Variants in CEP162 observed in about 807,000 individuals in gnomAD.
The protein encoded by CEP162 is centrosomal protein 162.
A neutral mutation model predicts 169.2 loss-of-function variants in CEP162; 141 were observed. The ratio of observed to expected loss-of-function variants is 0.83; its 90% confidence interval spans 0.73 to 0.96. CEP162 has a LOEUF of 0.96. CEP162 is among the 40% of genes least tolerant of loss of function. The pLI is 0.00. For synonymous variants in CEP162, 540 were observed against 526.4 expected (o/e 1.03, Z -0.35); for missense variants, 1,600 against 1,587.2 (o/e 1.01, Z -0.14).
chr6:84,138,654 A>G (rs991239304), intron 25 of CEP162, among the ~76,000 whole-genome samples: 1 of 152,194 alleles, frequency 6.6e-6, no homozygotes, highest in Admixed American at 6.5e-5. Context: ...TGCGTCTTCT[A>G]TTTTCAAGTA....
chr6:84,225,400 A>G (rs968887008), intron 2 of CEP162, among the ~76,000 whole-genome samples: 1 of 152,226 alleles, frequency 6.6e-6, no homozygotes, highest in Non-Finnish European at 1.5e-5. Flanking sequence ...ATAGAAAAGT[A>G]AACATATGGT....
At chr6:84,212,508 T>C (rs1282012336) in intron 6 of CEP162, among the ~76,000 whole-genome samples, 4 of 151,632 alleles carry the variant, frequency 2.6e-5, no homozygotes, top group African/African-American at 4.8e-5. Context: ...TTGTGACTCA[T>C]AGGGCAACTA....
At chr6:84,212,917 T>C in intron 6 of CEP162, 40 bp downstream of exon 6, 2 of 1,178,004 alleles carry the variant, frequency 1.7e-6, no homozygotes, top group South Asian at 2.8e-5. Flanking sequence ...AGCTATATTA[T>C]CTTTTCAAAT....
Position 84,203,963 on chromosome 6 carries a change from T to C in CEP162, c.687+18A>G, listed in dbSNP as rs1173152918. The C allele has an allele frequency of 2.6e-6, 4 of 1,510,896 alleles. No individual in the cohort carries two copies. Among genetic ancestry groups the C allele is most frequent in the Admixed American group, 2.0e-5 (1 of 51,180 alleles). The allele number at this position is 1,510,896 out of a possible 1,614,324, so 93.6% of individuals were successfully genotyped here. On this transcript the variant is annotated intron_variant, in intron 7 of 26. Transcript: ENST00000403245. ...AAAAAAGTTGCAAAACTGTCAAATA[T>C]ATAATTGATATATATACCTGTTTGG...
intron 25 of CEP162, among the ~76,000 whole-genome samples, chr6:84,130,391 T>C (rs1423001336): frequency 2.0e-5 from 3 of 152,006 alleles, no homozygotes; most frequent in Non-Finnish European, 2.9e-5. Flanking sequence ...TAGGGAGGAG[T>C]CCCTCTTTTT....
At chr6:84,165,593 G>A (rs769891225) in intron 18 of CEP162, among the ~76,000 whole-genome samples, 1 of 151,998 alleles carries the variant, frequency 6.6e-6, no homozygotes, top group African/African-American at 2.4e-5. Context: ...GCTCTACGGG[G>A]ACCAACACTG....
Position 84,221,133 on chromosome 6 carries a change from A to G in CEP162, c.96T>C (p.Ala32=), listed in dbSNP as rs2099553573. 1 of 1,599,584 alleles carries G rather than the reference A, an allele frequency of 6.3e-7. No individual in the cohort carries two copies. Among genetic ancestry groups the G allele is most frequent in the Non-Finnish European group, 8.6e-7 (1 of 1,167,934 alleles). Residue 32 remains alanine (A), a synonymous_variant, in exon 3 of 27, where the codon GCT becomes GCC. Transcript: ENST00000403245. ...DDSFENSDKT[A]RQSKKEMKKK... is the part of the protein sequence containing the mutation. ...TCTTCATCTCTTTTTTAGATTGTCT[A>G]GCTGTTTTGTCTGAATTTTCAAAAG...
chr6:84,141,496 A>ATCTC (rs1466618269), intron 25 of CEP162, among the ~76,000 whole-genome samples: 5 of 152,098 alleles, frequency 3.3e-5, no homozygotes, highest in Admixed American at 2.0e-4. Flanking sequence ...AGATCTTCCG[A>ATCTC]TCTCTGGGTC....
intron 2 of CEP162, among the ~76,000 whole-genome samples, chr6:84,223,069 C>G (rs758783909): frequency 6.6e-6 from 1 of 152,088 alleles, no homozygotes; most frequent in Non-Finnish European, 1.5e-5. Context: ...TACTACTGAC[C>G]TTGTAGGGCC....
chr6:84,206,143 C>T (rs982376304), intron 6 of CEP162, among the ~76,000 whole-genome samples: 1 of 149,188 alleles, frequency 6.7e-6, no homozygotes, highest in Non-Finnish European at 1.5e-5. Flanking sequence ...GGCCATACTG[C>T]CCAAGGTAAT....
intron 6 of CEP162, 111 bp from the exon 7 acceptor site, chr6:84,204,207 G>A (rs1165864999): frequency 1.0e-5 from 6 of 591,228 alleles, no homozygotes; most frequent in Non-Finnish European, 1.7e-5. Flanking sequence ...ATAGTTTATT[G>A]AAATAGTAAC....
chr6:84,171,658 C>A lies in CEP162; in HGVS notation c.2227G>T (p.Glu743Ter). The A allele has an allele frequency of 1.3e-6, 2 of 1,553,434 alleles. No individual in the cohort carries two copies. Among genetic ancestry groups the A allele is most frequent in the Non-Finnish European group, 1.7e-6 (2 of 1,151,436 alleles). The change falls in exon 17 of 27, where the codon GAG becomes TAG. Residue 743 changes from glutamate (E) to a stop codon, truncating the protein, a stop_gained. Transcript: ENST00000403245. LOFTEE classifies it high-confidence loss of function. ...DLQEQNKKNE[E>*]RMFKENQSLF... ...CTTTGGTTTTCCTTAAACATTCGCT[C>A]CTCATTTTTCTTGTTTTGTTCTTGG...
chr6:84,222,143 G>A (rs2099553963), intron 2 of CEP162, among the ~76,000 whole-genome samples: 1 of 151,818 alleles, frequency 6.6e-6, no homozygotes, highest in Admixed American at 6.6e-5. Context: ...AACTCCTTGA[G>A]TTCACTTAAC....
rs138324166 is a variant in CEP162 at position 84,174,866 on chromosome 6, G to A, written c.1886C>T (p.Ala629Val). The A allele has an allele frequency of 5.3e-5, 82 of 1,558,470 alleles. No homozygotes were observed. Among genetic ancestry groups the A allele is most frequent in the African/African-American group, 3.3e-4 (24 of 73,568 alleles). Residue 629 changes from alanine to valine, a missense_variant, in exon 15 of 27, where the codon GCG becomes GTG. Ala to Val is a moderately conservative substitution (Grantham distance 64). Transcript: ENST00000403245. ...VQEAEDKWRG[A>V]QALIEQIKAT... The stretch of plus-strand genomic sequence containing the variant: ...TTTAATTTGCTCAATTAGGGCTTGC[G>A]CACCCCTCCATTTATCCTCTGCTTC...
At chr6:84,146,606 G>A (rs977097734) in intron 25 of CEP162, 81 bp downstream of exon 25, 1 of 622,268 alleles carries the variant, frequency 1.6e-6, no homozygotes, top group African/African-American at 1.9e-5. Flanking sequence ...TGTACATTTA[G>A]GTAAAAAATT....
chr6:84,171,510 T>C (rs1424678938), intron 17 of CEP162, 96 bp downstream of exon 17: 2 of 470,990 alleles, frequency 4.2e-6, no homozygotes, highest in African/African-American at 4.0e-5. Flanking sequence ...AAAATTTTAC[T>C]ATGTCTAAGT....
chr6:84,200,770 G>T lies in CEP162; in HGVS notation c.835+19C>A. On this transcript the variant is annotated intron_variant, in intron 9 of 26. Transcript: ENST00000403245. ...GCATTCCATATTTAGAGAACAGTCA[G>T]GTTTCTAAACATTTTTACCTGTTCC... The T allele has an allele frequency of 7.8e-7, 1 of 1,277,284 alleles. No homozygotes were observed. Among genetic ancestry groups the T allele is most frequent in the Non-Finnish European group, 1.1e-6 (1 of 874,606 alleles). The allele number at this position is 1,277,284 out of a possible 1,614,324, so 79.1% of individuals were successfully genotyped here. A position where few individuals can be genotyped will look rare whatever the true frequency, so the allele number is the denominator to read the frequency against.
At chr6:84,197,358 T>C (rs981083740) in intron 9 of CEP162, among the ~76,000 whole-genome samples, 5 of 152,144 alleles carry the variant, frequency 3.3e-5, no homozygotes, top group Admixed American at 3.3e-4. Context: ...TTAATGGTTA[T>C]GTAACTTTTT....
Position 84,127,469 on chromosome 6 carries a change from T to C in CEP162, c.3871-957A>G, listed in dbSNP as rs187177023. ...GAACAAAGAACTATACAGACTATAA[T>C]TGGGATGGTTTGCAGAGAGCTCAGG... On this transcript the variant is annotated intron_variant, in intron 25 of 26. Transcript: ENST00000403245. Among the ~76,000 whole-genome samples the C allele has an allele frequency of 2.6e-5, 4 of 152,172 alleles. No homozygotes were observed. The East Asian group carries it at 5.8e-4, about 22-fold the overall frequency.
Sources: allele counts gnomAD v4.1 joint callset (sites outside exome capture counted in the v4.1 genomes callset), GRCh38; gene constraint gnomAD v4.1.1; transcripts MANE v1.5; gene names NCBI Gene and HGNC (gene_info 2026-07-23, HGNC 2026-07-21).